RNF152: variants seen among roughly 807,000 people sequenced by gnomAD.
RNF152 encodes ring finger protein 152, also known as E3 ubiquitin-protein ligase RNF152.
Under a neutral mutation model 12.7 loss-of-function variants are expected in RNF152, and 11 were observed. That is an observed-to-expected ratio of 0.86 (90% CI 0.54 to 1.43). The LOEUF is 1.43. Ranked by LOEUF, RNF152 falls within the 40% of genes most tolerant of loss-of-function variation. The pLI is 0.00. For synonymous variants in RNF152, 113 were observed against 120.3 expected (o/e 0.94, Z 0.40); for missense variants, 255 against 274.8 (o/e 0.93, Z 0.51).
At chr18:61,867,275 G>GC (rs901703823) in intron 1 of RNF152, among the ~76,000 whole-genome samples, 14 of 152,142 alleles carry the variant, frequency 9.2e-5, no homozygotes, top group African/African-American at 3.1e-4. Context: ...ACATGGCGAG[G>GC]CCCCATCTCT....
chr18:61,842,631 G>A (rs532297181), intron 1 of RNF152, among the ~76,000 whole-genome samples: 6 of 152,188 alleles, frequency 3.9e-5, no homozygotes, highest in African/African-American at 1.4e-4. Context: ...GTCTATTTTT[G>A]CGCTGCTGAT....
In RNF152 at chr18:61,808,604, G is replaced by GT. The variant is rs1436889040; in HGVS notation, c.*7247dup. ...GCTACATGGCTTATGTAGGGAGTTT[G>GT]TAACAGCCCCAAGCTGAAACCAGCT... On this transcript the variant is annotated 3_prime_UTR_variant, in exon 2 of 2. Transcript: ENST00000312828. 1 of 152,058 alleles carries GT rather than the reference G, an allele frequency of 6.6e-6. No individual in the cohort carries two copies. Among genetic ancestry groups the GT allele is most frequent in the Non-Finnish European group, 1.5e-5 (1 of 68,016 alleles). The allele number at this position is 152,058 out of a possible 1,614,324, so 9.4% of individuals were successfully genotyped here.
At chr18:61,838,843 A>G (rs1910307100) in intron 1 of RNF152, among the ~76,000 whole-genome samples, 2 of 152,090 alleles carry the variant, frequency 1.3e-5, no homozygotes, top group Admixed American at 6.5e-5. Context: ...TCCTTTTGTC[A>G]GCTGATGCTT....
intron 1 of RNF152, among the ~76,000 whole-genome samples, chr18:61,851,847 A>G (rs1447747589): frequency 6.6e-6 from 1 of 152,236 alleles, no homozygotes; most frequent in Non-Finnish European, 1.5e-5. Context: ...ACAGCAGTAC[A>G]TGAATATAAT....
At chr18:61,819,217 C>G (rs1334320609) in intron 1 of RNF152, among the ~76,000 whole-genome samples, 2 of 152,192 alleles carry the variant, frequency 1.3e-5, no homozygotes, top group African/African-American at 4.8e-5. Context: ...ATAAAACTCT[C>G]AGAGAACCTG....
intron 1 of RNF152, among the ~76,000 whole-genome samples, chr18:61,860,119 C>T (rs544316744): frequency 2.0e-5 from 3 of 152,112 alleles, no homozygotes; most frequent in South Asian, 2.1e-4. Flanking sequence ...CAAGGACTGC[C>T]GACAGCACGA....
intron 1 of RNF152, among the ~76,000 whole-genome samples, chr18:61,877,562 G>A (rs1034443224): frequency 6.6e-6 from 1 of 152,142 alleles, no homozygotes; most frequent in African/African-American, 2.4e-5. Context: ...AAAACTGCCA[G>A]TACACTTGAG....
Position 61,851,323 on chromosome 18 carries a change from T to C in RNF152, c.-135-34725A>G, listed in dbSNP as rs140992566. 3.5e-4 allele frequency among the ~76,000 whole-genome samples: 53 copies of C among 152,306 alleles called. No homozygotes were observed. In the East Asian group the frequency reaches 9.4e-3, roughly 27 times the overall value. On this transcript the variant is annotated intron_variant, in intron 1 of 1. Transcript: ENST00000312828. Reference sequence around the variant, plus strand: ...AAGGGTGTCCACTCTGCATAAACACTGCATCTATACCATATTCCTACCAGT... The same window carrying C: ...AAGGGTGTCCACTCTGCATAAACACCGCATCTATACCATATTCCTACCAGT...
intron 1 of RNF152, among the ~76,000 whole-genome samples, chr18:61,856,794 C>T (rs1911243447): frequency 6.6e-6 from 1 of 152,044 alleles, no homozygotes; most frequent in Non-Finnish European, 1.5e-5. Context: ...GAACAGCTAG[C>T]TCCATGTAAC....
intron 1 of RNF152, among the ~76,000 whole-genome samples, chr18:61,844,909 GATTT>G (rs1413141526): frequency 6.6e-6 from 1 of 151,652 alleles, no homozygotes; most frequent in African/African-American, 2.4e-5. Flanking sequence ...TCGCCCCAGT[GATTT>G]ACGATTTATA....
intron 1 of RNF152, among the ~76,000 whole-genome samples, chr18:61,856,195 C>T (rs923582156): frequency 1.3e-5 from 2 of 152,188 alleles, no homozygotes; most frequent in African/African-American, 4.8e-5. Context: ...AAATGAGATT[C>T]TAATTGAGTT....
intron 1 of RNF152, among the ~76,000 whole-genome samples, chr18:61,838,786 C>G (rs941692982): frequency 3.3e-5 from 5 of 152,176 alleles, no homozygotes; most frequent in Admixed American, 2.6e-4. Context: ...TCAGATCTAT[C>G]AAAGTCTTCA....
chr18:61,849,765 C>T (rs546099910), intron 1 of RNF152, among the ~76,000 whole-genome samples: 1 of 152,232 alleles, frequency 6.6e-6, no homozygotes, highest in East Asian at 1.9e-4. Flanking sequence ...AGTGGTCTCA[C>T]TATGTTGCCC....
At chr18:61,861,189 T>C (rs376256617) in intron 1 of RNF152, among the ~76,000 whole-genome samples, 6,262 of 151,574 alleles carry the variant, frequency 0.041, 427 homozygotes, top group African/African-American at 0.15. Flanking sequence ...TCCTAGGCCA[T>C]CACATCCACT....
chr18:61,882,043 T>A (rs911530700), intron 1 of RNF152, among the ~76,000 whole-genome samples: 1 of 152,148 alleles, frequency 6.6e-6, no homozygotes, highest in African/African-American at 2.4e-5. Flanking sequence ...AATTCAAACA[T>A]CCGAAATCCG....
rs368744715 is a variant in RNF152, at chr18:61,890,759, A to G, written c.-136+2036T>C. Among the ~76,000 whole-genome samples the G allele has an allele frequency of 6.6e-5, 10 of 152,368 alleles. No homozygotes were observed. The East Asian group carries it at 1.9e-3, about 29-fold the overall frequency. ...TTGAAAAGCAGAGGGTGCTGACAGC[A>G]TAGGTGGGTTCAAACAACTCTGAGG... On this transcript the variant is annotated intron_variant, in intron 1 of 1. Transcript: ENST00000312828.
intron 1 of RNF152, among the ~76,000 whole-genome samples, chr18:61,867,885 C>T (rs1911810091): frequency 6.6e-6 from 1 of 152,218 alleles, no homozygotes; most frequent in African/African-American, 2.4e-5. Context: ...CCCCACTGTA[C>T]TATAAAAATA....
At chr18:61,835,084 A>C (rs750552989) in intron 1 of RNF152, among the ~76,000 whole-genome samples, 4 of 152,184 alleles carry the variant, frequency 2.6e-5, no homozygotes, top group Non-Finnish European at 4.4e-5. Flanking sequence ...GCTAAATGGG[A>C]GAAGAAAATG....
intron 1 of RNF152, among the ~76,000 whole-genome samples, chr18:61,879,564 G>A (rs920198491): frequency 1.3e-5 from 2 of 152,142 alleles, no homozygotes; most frequent in Non-Finnish European, 2.9e-5. Context: ...GTGTTCCGGG[G>A]AAAGGGAACT....
Sources: gnomAD v4.1 joint callset for allele counts (sites outside exome capture counted in the v4.1 genomes callset) on GRCh38, gnomAD v4.1.1 for gene constraint, MANE v1.5 for transcripts, NCBI Gene and HGNC (gene_info 2026-07-23, HGNC 2026-07-21) for gene names.